The following HNRNPH1 variants were observed in gnomAD, a reference collection of about 807,000 sequenced individuals.
The protein encoded by HNRNPH1 is heterogeneous nuclear ribonucleoprotein H.
A neutral mutation model predicts 58.6 loss-of-function variants in HNRNPH1; 4 were observed. The observed-to-expected ratio is 0.07, with a 90% CI of 0.03 to 0.16. HNRNPH1 has a LOEUF of 0.16. Among genes scored for constraint, HNRNPH1 ranks in the 10% least tolerant of loss-of-function variants. The pLI is 1.00. For missense variants in HNRNPH1, 271 were observed against 564.2 expected, an observed-to-expected ratio of 0.48 and a Z score of 5.26; for synonymous variants, 192 against 189.2, an observed-to-expected ratio of 1.01 and a Z score of -0.12.
At chr5:179,616,832 A>G (rs1196836480) in intron 10 of HNRNPH1, 37 bp downstream of exon 11, 5 of 1,517,276 alleles carry the variant, frequency 3.3e-6, no homozygotes, top group South Asian at 1.1e-5. Flanking sequence ...ATACAGATAT[A>G]AACGTTTTGG....
chr5:179,631,962 C>T (rs372978976), intron 2 of HNRNPH1, among the ~76,000 whole-genome samples: 1 of 152,162 alleles, frequency 6.6e-6, no homozygotes, highest in African/African-American at 2.4e-5. Flanking sequence ...CAGCATCGGC[C>T]GCCTCCGGGA....
chr5:179,624,014 T>C (rs1214098955), exon 1 of HNRNPH1: 1 of 153,502 alleles, frequency 6.5e-6, no homozygotes, highest in Non-Finnish European at 1.5e-5. Flanking sequence ...GGCCGCCTGT[T>C]CCCTATGGGA....
At chr5:179,632,321 A>AT (rs1367705820) in intron 2 of HNRNPH1, among the ~76,000 whole-genome samples, 19 of 151,668 alleles carry the variant, frequency 1.3e-4, no homozygotes, top group Admixed American at 9.2e-4. Flanking sequence ...AAAAAAAAAA[A>AT]GAAAAAAGAA....
At chr5:179,625,716 C>A (rs186821497), upstream of HNRNPH1, among the ~76,000 whole-genome samples, 4 of 151,042 alleles carry the variant, frequency 2.6e-5, no homozygotes, top group Admixed American at 2.0e-4. Flanking sequence ...ACACTTATAG[C>A]CAATTCTCTT....
chr5:179,616,812 T>C lies in HNRNPH1; in HGVS notation c.1207+57A>G, dbSNP rs575112146. ...TAAATAAATAGATTAACTTAACTTA[T>C]AATTGACTTATACAGATATAAACGT... is the stretch of plus-strand genomic sequence containing the variant. On this transcript the variant is annotated intron_variant, in intron 10 of 12. Transcript: ENST00000356731. 1.6e-4 allele frequency: 222 copies of C among 1,354,324 alleles called. No homozygotes were observed. In the African/African-American group the frequency reaches 2.6e-3, roughly 16 times the overall value. 83.9% of individuals were successfully genotyped at this position (1,354,324 alleles called of 1,614,324 possible).
chr5:179,624,758 A>G (rs1210911088), upstream of HNRNPH1: 2 of 396,252 alleles, frequency 5.0e-6, no homozygotes, highest in Non-Finnish European at 8.9e-6. Context: ...GGACACAGAC[A>G]ATACACAAAT....
intron 1 of HNRNPH1, among the ~76,000 whole-genome samples, chr5:179,622,614 G>A (rs1056411857): frequency 5.9e-5 from 9 of 152,206 alleles, no homozygotes; most frequent in Admixed American, 1.3e-4. Context: ...GGGAGACTGA[G>A]GCAGGAGAAT....
intron 2 of HNRNPH1, among the ~76,000 whole-genome samples, chr5:179,631,680 G>T (rs1430763402): frequency 6.6e-6 from 1 of 151,942 alleles, no homozygotes; most frequent in Non-Finnish European, 1.5e-5. Context: ...CCAAGAATTG[G>T]ACGTTGCGAT....
intron 1 of HNRNPH1, among the ~76,000 whole-genome samples, chr5:179,622,567 C>A (rs1331617163): frequency 6.6e-6 from 1 of 152,094 alleles, no homozygotes; most frequent in Non-Finnish European, 1.5e-5. Flanking sequence ...AAAAATTAGC[C>A]GGGCGTGGCG....
chr5:179,621,206 C>G (rs764541347), intron 2 of HNRNPH1, 36 bp downstream of exon 3: 1 of 1,593,748 alleles, frequency 6.3e-7, no homozygotes, highest in South Asian at 1.1e-5. Context: ...TTGTTTAATG[C>G]TTTATTTACT....
chr5:179,629,019 T>C (rs79801445), upstream of HNRNPH1: 23,225 of 150,348 alleles, frequency 0.15, 2,105 homozygotes, highest in Middle Eastern at 0.23. Context: ...ATAACCCGGC[T>C]GGGCGCGGCG....
At chr5:179,620,039 T>C (rs1172137697) in intron 3 of HNRNPH1, 1 of 152,218 alleles carries the variant, frequency 6.6e-6, no homozygotes, top group African/African-American at 2.4e-5. Context: ...AGCACTTTCC[T>C]AGAAGATATG....
upstream of HNRNPH1, among the ~76,000 whole-genome samples, chr5:179,625,176 A>G (rs1393971994): frequency 2.0e-5 from 3 of 152,174 alleles, 1 homozygote; most frequent in Non-Finnish European, 4.4e-5. Context: ...GTACCATTTC[A>G]GAAGGCACTT....
intron 2 of HNRNPH1, 47 bp from the exon 4 acceptor site, chr5:179,621,082 A>C (rs1476445859): frequency 6.3e-7 from 1 of 1,597,678 alleles, no homozygotes; most frequent in African/African-American, 1.3e-5. Context: ...ATTAGATAAC[A>C]AAGTTCAGAC....
upstream of HNRNPH1, among the ~76,000 whole-genome samples, chr5:179,625,487 CAAAA>C (rs36011321): frequency 2.3e-5 from 2 of 86,314 alleles, no homozygotes; most frequent in Non-Finnish European, 4.7e-5. Context: ...GACTCCCTCT[CAAAA>C]AAAAAAAAAA....
At chr5:179,618,522 GAAAAA>G (rs750930795) in intron 4 of HNRNPH1, 199 bp from the exon 6 acceptor site, 2 of 288,520 alleles carry the variant, frequency 6.9e-6, no homozygotes, top group South Asian at 1.0e-4. Context: ...AAACTTTATA[GAAAAA>G]AAAAAAAAAC....
At chr5:179,616,091 A>T (rs939653499) in intron 11 of HNRNPH1, 35 bp downstream of exon 12, 1 of 1,515,934 alleles carries the variant, frequency 6.6e-7, no homozygotes, top group African/African-American at 1.4e-5. Context: ...GCTTTACCAT[A>T]ACTTACTCTA....
chr5:179,618,543 C>T, intron 4 of HNRNPH1: 1 of 405,034 alleles, frequency 2.5e-6, no homozygotes, highest in East Asian at 3.9e-5. Context: ...AAAACTCACT[C>T]CTCTGAGGCA....
upstream of HNRNPH1, among the ~76,000 whole-genome samples, chr5:179,625,270 C>T (rs1774267864): frequency 6.6e-6 from 1 of 152,090 alleles, no homozygotes. Context: ...CCGAGGCAGG[C>T]AGATCACTTG....
Sources: gnomAD v4.1 joint callset for allele counts (sites outside exome capture counted in the v4.1 genomes callset) on GRCh38, gnomAD v4.1.1 for gene constraint, MANE v1.5 for transcripts, NCBI Gene and HGNC (gene_info 2026-07-23, HGNC 2026-07-21) for gene names.